ZP4: variants seen among roughly 807,000 people sequenced by gnomAD.
The protein encoded by ZP4 is zona pellucida sperm-binding protein 4.
ZP4 carries 62 observed loss-of-function variants against 62.3 expected under a neutral mutation model. The observed-to-expected ratio is 0.99, with a 90% CI of 0.81 to 1.23. The LOEUF is 1.23. Ranked by LOEUF, ZP4 falls within the 50% of genes most tolerant of loss-of-function variation. The probability of loss-of-function intolerance (pLI) is 0.00; values close to 1 mark genes in which losing one functional copy is unlikely to be tolerated. For synonymous variants in ZP4, 289 were observed against 247.3 expected, an observed-to-expected ratio of 1.17 and a Z score of -1.58; for missense variants, 774 against 656.0, an observed-to-expected ratio of 1.18 and a Z score of -1.97.
intron 3 of ZP4, among the ~76,000 whole-genome samples, chr1:237,889,407 C>A (rs1333198417): frequency 6.6e-6 from 1 of 151,780 alleles, no homozygotes; most frequent in African/African-American, 2.4e-5. Flanking sequence ...CAACCTCAGC[C>A]TCCCAGGTTC....
rs774202677 is a variant in ZP4, at chr1:237,885,822, T to C, written c.904A>G (p.Thr302Ala). The change falls in exon 7 of 12, where the codon ACT (threonine) becomes GCT (alanine). Residue 302 changes from threonine (T) to alanine (A), a missense_variant. Thr to Ala is a moderately conservative substitution (Grantham distance 58). Coordinates refer to ENST00000366570, the MANE Select transcript of ZP4 (RefSeq NM_021186.5). ...NSLPINVQVF[T>A]LPPPFPETQP... The stretch of plus-strand genomic sequence containing the variant: ...GTCTCAGGAAAGGGTGGTGGGAGAG[T>C]GAAAACCTGGACATTGATTGGGAGA... The C allele has an allele frequency of 1.1e-5, 17 of 1,613,738 alleles. No homozygotes were observed. In the South Asian group the frequency reaches 1.8e-4, roughly 17 times the overall value.
At chr1:237,889,618 TA>T (rs1206033996) in intron 3 of ZP4, among the ~76,000 whole-genome samples, 7 of 152,104 alleles carry the variant, frequency 4.6e-5, no homozygotes, top group African/African-American at 1.7e-4. Context: ...TGGCCAGCAG[TA>T]GTATTTGCAG....
At chr1:237,883,643 C>CAGGGGAGA (rs1664973042) in intron 10 of ZP4, among the ~76,000 whole-genome samples, 1 of 6,720 alleles carries the variant, frequency 1.5e-4, no homozygotes, top group African/African-American at 5.6e-4. Context: ...AGGGGGAGGG[C>CAGGGGAGA]GGGGGAGGGC....
At chr1:237,889,422 G>A (rs1315915963) in intron 3 of ZP4, among the ~76,000 whole-genome samples, 4 of 151,214 alleles carry the variant, frequency 2.6e-5, no homozygotes, top group South Asian at 4.2e-4. Context: ...AGGTTCAAGC[G>A]ATTCTCCTGC....
At position 237,885,194 on chromosome 1, in the gene ZP4, T is replaced by C; in HGVS notation, c.1282A>G (p.Thr428Ala). The C allele has an allele frequency of 6.2e-7, 1 of 1,613,990 alleles. No individual in the cohort carries two copies. Residue 428 changes from threonine to alanine, a missense_variant, in exon 9 of 12, where the codon ACA (threonine) becomes GCA (alanine). Physicochemically the swap from Thr to Ala is moderately conservative, Grantham distance 58. Coordinates refer to ENST00000366570, the MANE Select transcript of ZP4 (RefSeq NM_021186.5). ...SIFTFSFVNP[T>A]VEKQALRGPV... The stretch of plus-strand genomic sequence containing the variant: ...CCCCTGAGGGCCTGTTTCTCCACTG[T>C]AGGGTTCACAAAGCTGAAGGTGAAG...
intron 5 of ZP4, 111 bp downstream of exon 5, chr1:237,887,263 A>AG (rs1294182803): frequency 1.1e-5 from 14 of 1,282,714 alleles, no homozygotes; most frequent in Admixed American, 4.2e-5. Context: ...CCAAACTCCA[A>AG]GTAGTAGTCA....
At chr1:237,884,730 A>T in intron 10 of ZP4, 39 bp downstream of exon 10, 2 of 1,585,230 alleles carry the variant, frequency 1.3e-6, no homozygotes, top group Non-Finnish European at 8.6e-7. Flanking sequence ...GGGACTCAAG[A>T]TTCATTCAAA....
rs775646244 is a variant in ZP4, at chr1:237,885,216, G to A, written c.1260C>T (p.Phe420=). The A allele has an allele frequency of 6.2e-7, 1 of 1,614,206 alleles. No homozygotes were observed. ...FPSHHQRFSI[F]TFSFVNPTVE... ...CTGTAGGGTTCACAAAGCTGAAGGT[G>A]AAGATGCTGAAGCGCTGGTGGTGAG... The change falls in exon 9 of 12, where the codon TTC becomes TTT. Residue 420 remains phenylalanine (F), a synonymous_variant. Coordinates refer to ENST00000366570, the MANE Select transcript of ZP4 (RefSeq NM_021186.5).
chr1:237,883,995 C>CACACAA (rs1665017818), intron 10 of ZP4, among the ~76,000 whole-genome samples: 1 of 71,952 alleles, frequency 1.4e-5, no homozygotes, highest in African/African-American at 6.0e-5. Context: ...CACACACACA[C>CACACAA]ACACACACAC....
At chr1:237,888,617 T>C (rs1665165741) in intron 3 of ZP4, 107 bp from the exon 4 acceptor site, 2 of 1,061,598 alleles carry the variant, frequency 1.9e-6, no homozygotes, top group African/African-American at 1.6e-5. Context: ...ATGTAGATGA[T>C]TGAAATAGGT....
rs371084510 is a variant in ZP4 at position 237,888,498 on chromosome 1, G to A, written c.413C>T (p.Pro138Leu). Residue 138 changes from proline to leucine, a missense_variant, in exon 4 of 12, where the codon CCA becomes CTA. Pro to Leu is a moderately conservative substitution (Grantham distance 98). Transcript: ENST00000366570. ...GATGGAGTCACACCAGTCAGTATCT[G>A]GAGCATCTCGGGCTAGGTTTTGAAA... ...CPMDLLARDA[P>L]DTDWCDSIPA... is the part of the protein sequence containing the mutation. 3 of 1,597,038 alleles carry A rather than the reference G, an allele frequency of 1.9e-6. No homozygotes were observed. The highest frequency in any genetic ancestry group is 2.3e-5 in the East Asian group (1 of 44,360).
rs564393047 is a variant in ZP4, at chr1:237,886,243, G to A, written c.840-357C>T. Among the ~76,000 whole-genome samples the A allele has an allele frequency of 1.2e-4, 18 of 152,356 alleles. No individual in the cohort carries two copies. The East Asian group carries it at 3.3e-3, about 28-fold the overall frequency. On this transcript the variant is annotated intron_variant, in intron 6 of 11. Coordinates refer to ENST00000366570, the MANE Select transcript of ZP4 (RefSeq NM_021186.5). ...GAGCAAAGCCTGGAGGCAAGGAAGT[G>A]CTTGAGGCCCTTTGAGAATTCCATA...
intron 10 of ZP4, among the ~76,000 whole-genome samples, chr1:237,884,202 C>T (rs1477639537): frequency 6.6e-6 from 1 of 152,120 alleles, no homozygotes; most frequent in Non-Finnish European, 1.5e-5. Flanking sequence ...GGAGATGTTA[C>T]TTAATGTTGT....
At chr1:237,888,160 C>A (rs1317436680) in intron 4 of ZP4, among the ~76,000 whole-genome samples, 198 bp downstream of exon 4, 1 of 152,202 alleles carries the variant, frequency 6.6e-6, no homozygotes, top group Non-Finnish European at 1.5e-5. Context: ...GCGTTATTGA[C>A]TTTATATCTG....
In ZP4 at chr1:237,887,536, G is replaced by A. The variant is rs748309924; in HGVS notation, c.579C>T (p.Gly193=). The A allele has an allele frequency of 2.5e-6, 4 of 1,613,998 alleles. No individual in the cohort carries two copies. The African/African-American group carries it at 4.0e-5, about 16-fold the overall frequency. The change falls in exon 5 of 12, where the codon GGC becomes GGT. Residue 193 remains glycine, a synonymous_variant. Transcript: ENST00000366570. Reference sequence around the variant, plus strand: ...TCCGAGACACAGCAATAGAGAAATGGCCCTCTCGGGTACAATGCAAGGTCA... The same window carrying A: ...TCCGAGACACAGCAATAGAGAAATGACCCTCTCGGGTACAATGCAAGGTCA... ...NTVTLHCTRE[G]HFSIAVSRNV...
In ZP4 at chr1:237,884,771, C is replaced by G; in HGVS notation, c.1388G>C (p.Ser463Thr). The change falls in exon 10 of 12, where the codon AGT becomes ACT. Residue 463 changes from serine (S) to threonine (T), a missense_variant and splice_region_variant. By Grantham distance (58) the Ser-to-Thr change is moderately conservative. Coordinates refer to ENST00000366570, the MANE Select transcript of ZP4 (RefSeq NM_021186.5). ...CCTCTAACAGCTTGGTTACTCACGA[C>G]TGAGATCAGGACAGGTCACCACACA... ...PSCVVTCPDL[S>T]RRRNFDNSSQ... 6.2e-7 allele frequency: 1 copy of G among 1,613,410 alleles called. No homozygotes were observed. Among genetic ancestry groups the G allele is most frequent in the East Asian group, 2.2e-5 (1 of 44,882 alleles).
intron 3 of ZP4, 142 bp downstream of exon 3, chr1:237,889,725 C>T (rs933533657): frequency 2.6e-6 from 2 of 776,320 alleles, no homozygotes; most frequent in Non-Finnish European, 4.4e-6. Context: ...TAAGGATTGC[C>T]CATGGAGGTG....
chr1:237,888,511 C>T lies in ZP4; in HGVS notation c.401-1G>A, dbSNP rs1558534451. ...CAGTCAGTATCTGGAGCATCTCGGG[C>T]TAGGTTTTGAAAAAGAGTAAGTCAG... On this transcript the variant is annotated splice_acceptor_variant, in intron 3 of 11. Transcript: ENST00000366570. LOFTEE classifies it high-confidence loss of function. 3 of 1,584,978 alleles carry T rather than the reference C, an allele frequency of 1.9e-6. No homozygotes were observed. Among genetic ancestry groups the T allele is most frequent in the East Asian group, 4.5e-5 (2 of 44,142 alleles).
chr1:237,889,872 A>C lies in ZP4; in HGVS notation c.395T>G (p.Leu132Arg), dbSNP rs1327461937. 1 of 1,613,900 alleles carries C rather than the reference A, an allele frequency of 6.2e-7. No homozygotes were observed. Among genetic ancestry groups the C allele is most frequent in the East Asian group, 2.2e-5 (1 of 44,838 alleles). Residue 132 changes from leucine to arginine, a missense_variant, in exon 3 of 12, where the codon CTT becomes CGT. Leu to Arg is a moderately radical substitution (Grantham distance 102). Coordinates refer to ENST00000366570, the MANE Select transcript of ZP4 (RefSeq NM_021186.5). ...TGAGAGCTTCCAGCCTTTACCTAGA[A>C]GATCCATAGGACACTTGAGCAGCTT... ...ERKLLKCPMDLLARDAPDTDW... is the reference protein window; with the variant it reads ...ERKLLKCPMDRLARDAPDTDW...
Sources: gnomAD v4.1 joint callset for allele counts (sites outside exome capture counted in the v4.1 genomes callset) on GRCh38, gnomAD v4.1.1 for gene constraint, MANE v1.5 for transcripts, NCBI Gene and HGNC (gene_info 2026-07-23, HGNC 2026-07-21) for gene names.